The following ARHGAP9 variants were observed in gnomAD, a reference collection of about 807,000 sequenced individuals.
ARHGAP9 encodes the protein Rho GTPase activating protein 9.
A neutral mutation model predicts 87.3 loss-of-function variants in ARHGAP9; 76 were observed. That is an observed-to-expected ratio of 0.87 (90% CI 0.72 to 1.05). The LOEUF (loss-of-function observed/expected upper bound fraction) is 1.05. Ranked by LOEUF, ARHGAP9 falls within the 50% of genes least tolerant of loss-of-function variation. The pLI, the probability that ARHGAP9 is intolerant of heterozygous loss-of-function variation, is 0.00. For missense variants in ARHGAP9, 941 were observed against 960.5 expected, an observed-to-expected ratio of 0.98 and a Z score of 0.27; for synonymous variants, 382 against 394.9, an observed-to-expected ratio of 0.97 and a Z score of 0.39.
upstream of ARHGAP9, among the ~76,000 whole-genome samples, chr12:57,483,578 C>G (rs1309438015): frequency 6.6e-6 from 1 of 152,230 alleles, no homozygotes; most frequent in Non-Finnish European, 1.5e-5. Flanking sequence ...AAACTCCACA[C>G]TGCAGTCTTA....
upstream of ARHGAP9, among the ~76,000 whole-genome samples, chr12:57,483,099 A>G (rs1352378384): frequency 2.6e-5 from 4 of 152,020 alleles, no homozygotes; most frequent in Non-Finnish European, 5.9e-5. Flanking sequence ...ACTCTGTCTT[A>G]AAACAAAACA....
chr12:57,477,374 C>A (rs776230346), intron 4 of ARHGAP9, 85 bp downstream of exon 4: 1 of 1,542,148 alleles, frequency 6.5e-7, no homozygotes, highest in Non-Finnish European at 8.8e-7. Context: ...CTGAGAGCCC[C>A]GGAGAGAAAA....
At position 57,488,080 on chromosome 12, in the gene ARHGAP9, T is replaced by A. The variant is rs572679166; in HGVS notation, c.-204+532A>T. 4.3e-6 allele frequency: 7 copies of A among 1,612,466 alleles called. No individual in the cohort carries two copies. The East Asian group carries it at 1.6e-4, about 36-fold the overall frequency. The stretch of plus-strand genomic sequence containing the variant: ...CGGTTCCGGTTGCATCAGCGAGGGA[T>A]TCACGGCGAAATGAGACTGTTCGTG... On this transcript the variant is annotated intron_variant, in intron 1 of 20. Coordinates refer to the ARHGAP9 transcript ENST00000393797.
At chr12:57,488,590 A>C in intron 1 of ARHGAP9, 1 of 1,551,058 alleles carries the variant, frequency 6.4e-7, no homozygotes, top group Non-Finnish European at 8.7e-7. Flanking sequence ...CCTAACACAC[A>C]CACACGTTCC....
intron 16 of ARHGAP9, 119 bp from the exon 17 acceptor site, chr12:57,473,827 T>G: frequency 8.3e-7 from 1 of 1,205,640 alleles, no homozygotes; most frequent in Non-Finnish European, 1.2e-6. Flanking sequence ...AGCACAGCTT[T>G]CTTTTTCACA....
intron 1 of ARHGAP9, among the ~76,000 whole-genome samples, chr12:57,485,593 T>C (rs2139984084): frequency 6.6e-6 from 1 of 152,040 alleles, no homozygotes; most frequent in African/African-American, 2.4e-5. Context: ...TTTTTTTATG[T>C]TGGCCAGGCA....
At chr12:57,482,451 A>G (rs1432744265), upstream of ARHGAP9, among the ~76,000 whole-genome samples, 1 of 152,132 alleles carries the variant, frequency 6.6e-6, no homozygotes, top group African/African-American at 2.4e-5. Flanking sequence ...TGTGTTAGCC[A>G]GGATGGTCTC....
Position 57,479,112 on chromosome 12 carries a change from CG to C in ARHGAP9, c.294del (p.Gly99AlafsTer50). The C allele has an allele frequency of 1.2e-6, 2 of 1,614,012 alleles. No homozygotes were observed. The highest frequency in any genetic ancestry group is 1.7e-6 in the Non-Finnish European group (2 of 1,179,980). On this transcript the variant is annotated frameshift_variant, in exon 2 of 18. Coordinates refer to ENST00000393791, the MANE Select transcript of ARHGAP9 (RefSeq NM_032496.4). LOFTEE classifies it high-confidence loss of function. ...IPSQSPTTVIPGQLLWTPGPK... is the reference protein window; with the variant it reads ...IPSQSPTTVIXGQLLWTPGPK... ...TCACCAGGAGTCCAGAGCAATTGGC[CG>C]GGGATGACGGTAGTTGGACTCTGGG...
At chr12:57,477,913 C>A in intron 3 of ARHGAP9, 7 of 1,313,470 alleles carry the variant, frequency 5.3e-6, no homozygotes, top group Non-Finnish European at 3.9e-6. Context: ...AACTTCCCGC[C>A]TCCCCCACCC....
At chr12:57,487,675 C>G (rs1875531724) in intron 1 of ARHGAP9, 1 of 178,012 alleles carries the variant, frequency 5.6e-6, no homozygotes, top group Admixed American at 6.0e-5. Flanking sequence ...ATGGTCAAAG[C>G]CCGCCTCTAC....
intron 5 of ARHGAP9, 31 bp downstream of exon 5, chr12:57,477,125 G>C: frequency 3.1e-6 from 5 of 1,607,444 alleles, no homozygotes; most frequent in Non-Finnish European, 4.3e-6. Context: ...GGCTTTTTCT[G>C]CATGTGACTG....
At chr12:57,487,496 A>T (rs1875517141) in intron 1 of ARHGAP9, 2 of 152,328 alleles carry the variant, frequency 1.3e-5, no homozygotes, top group African/African-American at 4.8e-5. Context: ...GCAGCGTAAG[A>T]GGATAAAAGT....
rs765874548 is a variant in ARHGAP9 at position 57,474,412 on chromosome 12, C to T, written c.1783+11G>A. 1.2e-6 allele frequency: 2 copies of T among 1,614,096 alleles called. No individual in the cohort carries two copies. The highest frequency in any genetic ancestry group is 1.7e-6 in the Non-Finnish European group (2 of 1,179,986). On this transcript the variant is annotated intron_variant, in intron 15 of 17. Transcript: ENST00000393791. ...AGTTTTAGGGATCTGAAGGGTCTTC[C>T]ATGTAAGTACCTTGTCCTGGCTGTT...
chr12:57,477,121 T>C (rs1209672531), intron 5 of ARHGAP9, 35 bp downstream of exon 5: 5 of 1,607,686 alleles, frequency 3.1e-6, no homozygotes, highest in African/African-American at 1.3e-5. Flanking sequence ...AGCTGGCTTT[T>C]TCTGCATGTG....
chr12:57,474,607 G>A lies in ARHGAP9; in HGVS notation c.1729+19C>T, dbSNP rs750286030. On this transcript the variant is annotated intron_variant, in intron 14 of 17. Transcript: ENST00000393791. ...GCAAGACATTCTTAGTACAACCACT[G>A]GCCCACAAGCCTTCTCACCTCTGTC... The A allele has an allele frequency of 3.7e-6, 6 of 1,614,072 alleles. No homozygotes were observed. Among genetic ancestry groups the A allele is most frequent in the East Asian group, 2.2e-5 (1 of 44,878 alleles).
upstream of ARHGAP9, chr12:57,480,742 A>C: frequency 6.5e-7 from 1 of 1,542,680 alleles, no homozygotes; most frequent in Non-Finnish European, 8.8e-7. Flanking sequence ...CTGGATTACC[A>C]GCACTTTAAA....
rs1220626103 is a variant in ARHGAP9 at position 57,488,016 on chromosome 12, C to T, written c.-204+596G>A. 8.0e-6 allele frequency: 10 copies of T among 1,249,352 alleles called. No individual in the cohort carries two copies. The African/African-American group carries it at 1.5e-4, about 18-fold the overall frequency. The allele number at this position is 1,249,352 out of a possible 1,614,324, so 77.4% of individuals were successfully genotyped here. ...CCTAATACGGAACTCCATTTCCCGG[C>T]GTGCCTCGCGGAGGCCGCTGAACTC... On this transcript the variant is annotated intron_variant, in intron 1 of 20. Transcript: ENST00000393797.
At position 57,474,151 on chromosome 12, in the gene ARHGAP9, A is replaced by ACCC; in HGVS notation, c.1808_1809insGGG (p.Thr603_Glu604insGly). On this transcript the variant is annotated inframe_insertion, in exon 16 of 18. Coordinates refer to ENST00000393791, the MANE Select transcript of ARHGAP9 (RefSeq NM_032496.4). ...TGACCACATGAATGTCATCCCACTC[A>ACCC]GTACTGTCCAAATCTAACCGACCTT... The ACCC allele has an allele frequency of 6.2e-7, 1 of 1,614,052 alleles. No individual in the cohort carries two copies. The highest frequency in any genetic ancestry group is 8.5e-7 in the Non-Finnish European group (1 of 1,179,946).
At chr12:57,479,967 T>A, upstream of ARHGAP9, 1 of 1,376,224 alleles carries the variant, frequency 7.3e-7, no homozygotes, top group South Asian at 1.7e-5. Context: ...CTGTGCAGAC[T>A]CAGAGAGACA....
Sources: allele counts gnomAD v4.1 joint callset (sites outside exome capture counted in the v4.1 genomes callset), GRCh38; gene constraint gnomAD v4.1.1; transcripts MANE v1.5; gene names NCBI Gene and HGNC (gene_info 2026-07-23, HGNC 2026-07-21).